Variants in HDAC9 observed in about 807,000 individuals in gnomAD.
HDAC9 encodes the protein MEF-2 interacting transcription repressor (MITR) protein.
Under a neutral mutation model 139.4 loss-of-function variants are expected in HDAC9, and 41 were observed. The observed-to-expected ratio is 0.29, with a 90% CI of 0.23 to 0.38. HDAC9 has a LOEUF of 0.38. Ranked by LOEUF, HDAC9 falls within the 10% of genes least tolerant of loss-of-function variation. HDAC9 has a pLI of 1.00. For synonymous variants in HDAC9, 517 were observed against 476.2 expected, an observed-to-expected ratio of 1.09 and a Z score of -1.12; for missense variants, 1,147 against 1,297.0, an observed-to-expected ratio of 0.88 and a Z score of 1.78.
At chr7:18,881,152 C>A (rs1302851443) in intron 22 of HDAC9, among the ~76,000 whole-genome samples, 1 of 152,034 alleles carries the variant, frequency 6.6e-6, no homozygotes, top group Non-Finnish European at 1.5e-5. Flanking sequence ...ATACACAAGG[C>A]CATGTTGTCT....
intron 1 of HDAC9, among the ~76,000 whole-genome samples, chr7:18,299,237 T>TTG (rs1693577498): frequency 6.7e-6 from 1 of 149,546 alleles, no homozygotes; most frequent in African/African-American, 2.5e-5. Context: ...TTTTTTTTTT[T>TTG]GCAACACTGC....
At chr7:18,732,299 C>T (rs1786129954) in intron 13 of HDAC9, among the ~76,000 whole-genome samples, 1 of 152,160 alleles carries the variant, frequency 6.6e-6, no homozygotes, top group African/African-American at 2.4e-5. Context: ...TATTCTCCCA[C>T]TCAGAGGTAA....
intron 1 of HDAC9, among the ~76,000 whole-genome samples, chr7:18,372,434 C>T (rs945415604): frequency 6.6e-6 from 1 of 152,160 alleles, no homozygotes; most frequent in African/African-American, 2.4e-5. Flanking sequence ...GCTGGTGAGA[C>T]AAGGTAGTCT....
intron 1 of HDAC9, among the ~76,000 whole-genome samples, chr7:18,317,369 C>T (rs981240177): frequency 6.6e-6 from 1 of 151,898 alleles, no homozygotes; most frequent in African/African-American, 2.4e-5. Context: ...TCTGATTATT[C>T]TAAAAAGTGA....
chr7:18,996,376 C>T lies in HDAC9; in HGVS notation c.*314C>T, dbSNP rs1233541846. 7.9e-6 allele frequency: 2 copies of T among 254,704 alleles called. No homozygotes were observed. Among genetic ancestry groups the T allele is most frequent in the African/African-American group, 2.2e-5 (1 of 44,992 alleles). The allele number at this position is 254,704 out of a possible 1,614,324, so 15.8% of individuals were successfully genotyped here. ...ACACCAAGTTTGAACTAGAAACATT[C>T]AGTACAGCACTAGATATTGTTAATT... On this transcript the variant is annotated 3_prime_UTR_variant, in exon 26 of 26. Coordinates refer to ENST00000686413, the MANE Select transcript of HDAC9 (RefSeq NM_178425.4).
chr7:18,147,058 A>G (rs1407982985), intron 1 of HDAC9, among the ~76,000 whole-genome samples: 1 of 152,170 alleles, frequency 6.6e-6, no homozygotes, highest in Non-Finnish European at 1.5e-5. Context: ...TGACAAGGAT[A>G]TGTAATGTTA....
At chr7:18,782,177 AAG>A (rs535956366) in intron 16 of HDAC9, among the ~76,000 whole-genome samples, 29 of 152,210 alleles carry the variant, frequency 1.9e-4, no homozygotes, top group African/African-American at 6.7e-4. Flanking sequence ...GAACTGGGTG[AAG>A]AGTTTCATTT....
chr7:18,751,489 A>G (rs75985888), intron 14 of HDAC9, among the ~76,000 whole-genome samples: 11,447 of 152,174 alleles, frequency 0.075, 666 homozygotes, highest in East Asian at 0.25. Context: ...ATTATTTATC[A>G]TTATATATGA....
chr7:18,833,898 A>G (rs1368217388), intron 19 of HDAC9, among the ~76,000 whole-genome samples: 2 of 152,234 alleles, frequency 1.3e-5, no homozygotes, highest in Admixed American at 1.3e-4. Flanking sequence ...ATTGGCATGA[A>G]GACAGGTCAT....
intron 1 of HDAC9, among the ~76,000 whole-genome samples, chr7:18,426,764 A>G (rs1280929530): frequency 6.6e-6 from 1 of 152,200 alleles, no homozygotes; most frequent in Non-Finnish European, 1.5e-5. Context: ...ATTCAAGATG[A>G]CTTGTAAAGT....
At chr7:18,773,189 G>C (rs1044926225) in intron 16 of HDAC9, among the ~76,000 whole-genome samples, 8 of 151,940 alleles carry the variant, frequency 5.3e-5, no homozygotes, top group African/African-American at 1.9e-4. Context: ...ACAACGAGAT[G>C]CATTTTGAAA....
intron 7 of HDAC9, among the ~76,000 whole-genome samples, chr7:18,630,541 T>G (rs998850865): frequency 2.2e-4 from 33 of 152,224 alleles, no homozygotes; most frequent in Non-Finnish European, 4.3e-4. Flanking sequence ...AAAATAATAT[T>G]TAGTCTCCTA....
chr7:18,701,658 GAAT>G (rs1340441706), intron 12 of HDAC9, among the ~76,000 whole-genome samples: 1 of 152,102 alleles, frequency 6.6e-6, no homozygotes, highest in Non-Finnish European at 1.5e-5. Flanking sequence ...TTCGTCATGG[GAAT>G]ACAGAACTTT....
At chr7:18,302,928 C>T (rs1798638675) in intron 1 of HDAC9, among the ~76,000 whole-genome samples, 1 of 152,052 alleles carries the variant, frequency 6.6e-6, no homozygotes, top group Non-Finnish European at 1.5e-5. Flanking sequence ...AGTTAATCAT[C>T]TCAGTTAAGT....
intron 21 of HDAC9, among the ~76,000 whole-genome samples, chr7:18,848,134 G>T (rs1364412156): frequency 6.6e-6 from 1 of 152,070 alleles, no homozygotes; most frequent in Non-Finnish European, 1.5e-5. Context: ...AACCATATTA[G>T]GAACCCAGGG....
At chr7:18,951,650 A>G (rs1478636919) in intron 23 of HDAC9, among the ~76,000 whole-genome samples, 1 of 151,892 alleles carries the variant, frequency 6.6e-6, no homozygotes, top group Non-Finnish European at 1.5e-5. Flanking sequence ...ATTAATCTCC[A>G]TCACCAATGT....
rs3138825 is a variant in HDAC9, at chr7:18,349,307, T to TACACACACACACACACAC, written c.-42+58830_-42+58847dup. Among the ~76,000 whole-genome samples the TACACACACACACACACAC allele has an allele frequency of 9.5e-5, 12 of 125,820 alleles. 1 individual carries two copies. Among genetic ancestry groups the TACACACACACACACACAC allele is most frequent in the African/African-American group, 2.5e-4 (8 of 31,658 alleles). The allele number at this position is 125,820 out of a possible 152,430, so 82.5% of individuals were successfully genotyped here. A position where few individuals can be genotyped will look rare whatever the true frequency, so the allele number is the denominator to read the frequency against. The stretch of plus-strand genomic sequence containing the variant: ...ATGACCTCCCATACTTGAGAACATC[T>TACACACACACACACACAC]ACACACACACACACACACACACACA... On this transcript the variant is annotated intron_variant, in intron 1 of 3. Coordinates refer to the HDAC9 transcript ENST00000413509.
chr7:19,000,961 CTTT>C lies in HDAC9; in HGVS notation c.*4901_*4903del, dbSNP rs1563124847. The C allele has an allele frequency of 6.6e-6, 1 of 152,120 alleles. No homozygotes were observed. The highest frequency in any genetic ancestry group is 1.5e-5 in the Non-Finnish European group (1 of 67,994). 9.4% of individuals were successfully genotyped at this position (152,120 alleles called of 1,614,324 possible). A position where few individuals can be genotyped will look rare whatever the true frequency, so the allele number is the denominator to read the frequency against. ...ATAAACATTTTGATAGATACTCTGT[CTTT>C]TGTTTTTTATCTCTTCTCTTTTCAA... On this transcript the variant is annotated 3_prime_UTR_variant, in exon 26 of 26. Coordinates refer to ENST00000686413, the MANE Select transcript of HDAC9 (RefSeq NM_178425.4).
Position 18,874,971 on chromosome 7 carries a change from A to G in HDAC9, c.2803+375A>G, listed in dbSNP as rs55893657. Among the ~76,000 whole-genome samples, 1,016 of 152,302 alleles carry G rather than the reference A, an allele frequency of 6.7e-3. 12 individuals are homozygous for G. The highest frequency in any genetic ancestry group is 9.7e-3 in the Non-Finnish European group (663 of 68,032). ...AGGGAGAATGGAAGTTCCATTGTAC[A>G]TGGGATAAAAATAACTATTTCTTAA... is the stretch of plus-strand genomic sequence containing the variant. On this transcript the variant is annotated intron_variant, in intron 22 of 25. Transcript: ENST00000686413.
Sources: gnomAD v4.1 joint callset for allele counts (sites outside exome capture counted in the v4.1 genomes callset) on GRCh38, gnomAD v4.1.1 for gene constraint, MANE v1.5 for transcripts, NCBI Gene and HGNC (gene_info 2026-07-23, HGNC 2026-07-21) for gene names.